TAB2: variants seen among roughly 807,000 people sequenced by gnomAD.
The protein encoded by TAB2 is TGF-beta-activated kinase 1 and MAP3K7-binding protein 2.
A neutral mutation model predicts 65.0 loss-of-function variants in TAB2; 3 were observed. That is an observed-to-expected ratio of 0.05 (90% CI 0.02 to 0.12). TAB2 has a LOEUF of 0.12. Ranked by LOEUF, TAB2 falls within the 10% of genes least tolerant of loss-of-function variation. The pLI is 1.00. For missense variants in TAB2, 623 were observed against 840.3 expected (o/e 0.74, Z 3.20); for synonymous variants, 298 against 285.1 (o/e 1.05, Z -0.46).
chr6:149,249,178 A>G (rs1777806360), intron 1 of TAB2, among the ~76,000 whole-genome samples: 1 of 151,730 alleles, frequency 6.6e-6, no homozygotes. Context: ...ACGCACACAC[A>G]CACACACAGA....
chr6:149,368,563 T>C (rs532156250), intron 1 of TAB2, among the ~76,000 whole-genome samples: 34 of 152,184 alleles, frequency 2.2e-4, no homozygotes, highest in Admixed American at 7.9e-4. Flanking sequence ...CCACTTAAAT[T>C]ATTTTAAATG....
At chr6:149,326,474 TG>T (rs1022345674) in intron 1 of TAB2, among the ~76,000 whole-genome samples, 54 of 152,110 alleles carry the variant, frequency 3.6e-4, no homozygotes, top group African/African-American at 1.1e-3. Context: ...CATTAATCAT[TG>T]GATAAATGAC....
intron 1 of TAB2, chr6:149,342,593 A>G (rs1780164344): frequency 6.6e-6 from 1 of 152,150 alleles, no homozygotes; most frequent in Non-Finnish European, 1.5e-5. Flanking sequence ...TTTGGGGACT[A>G]CCTTACTGCT....
intron 1 of TAB2, among the ~76,000 whole-genome samples, chr6:149,298,526 G>A (rs1778917021): frequency 6.6e-6 from 1 of 152,146 alleles, no homozygotes; most frequent in African/African-American, 2.4e-5. Context: ...TACCCCGGAG[G>A]CTGAGGTGGG....
chr6:149,391,376 A>AGT (rs1038277565), intron 3 of TAB2, among the ~76,000 whole-genome samples: 1 of 151,884 alleles, frequency 6.6e-6, no homozygotes, highest in Non-Finnish European at 1.5e-5. Context: ...TTTAGAGGCT[A>AGT]GTGTCTCCCT....
At chr6:149,356,532 G>A (rs1209759730) in intron 1 of TAB2, among the ~76,000 whole-genome samples, 2 of 152,166 alleles carry the variant, frequency 1.3e-5, no homozygotes, top group Non-Finnish European at 2.9e-5. Flanking sequence ...CCACTCTGTG[G>A]TTCGTAGGTG....
At chr6:149,310,048 G>A (rs534657587) in intron 1 of TAB2, among the ~76,000 whole-genome samples, 1 of 152,082 alleles carries the variant, frequency 6.6e-6, no homozygotes, top group South Asian at 2.1e-4. Flanking sequence ...TTATAATCAT[G>A]GAGTGGGGCG....
intron 1 of TAB2, chr6:149,229,867 T>C (rs901388845): frequency 1.3e-5 from 2 of 152,258 alleles, no homozygotes; most frequent in Non-Finnish European, 2.9e-5. Context: ...TTGGTTTATT[T>C]GTTCTTTGAA....
intron 1 of TAB2, among the ~76,000 whole-genome samples, chr6:149,225,650 C>T (rs1384718293): frequency 6.6e-6 from 1 of 151,924 alleles, no homozygotes; most frequent in Non-Finnish European, 1.5e-5. Context: ...TTTTATTTGT[C>T]CCATAGCCAA....
At chr6:149,226,188 T>C (rs1229826199) in intron 1 of TAB2, among the ~76,000 whole-genome samples, 1 of 152,074 alleles carries the variant, frequency 6.6e-6, no homozygotes. Context: ...AGACTGTTGT[T>C]TGGTATAGCT....
chr6:149,317,546 G>C (rs1219011325), upstream of TAB2: 2 of 155,036 alleles, frequency 1.3e-5, no homozygotes, highest in East Asian at 1.9e-4. The surrounding 1 kb of genome is among the most constrained non-coding windows in gnomAD (Gnocchi z 4.7). Flanking sequence ...CATATTGTGT[G>C]ACAGTATTTT....
intron 1 of TAB2, among the ~76,000 whole-genome samples, chr6:149,328,332 C>CCT (rs1331154109): frequency 6.6e-6 from 1 of 152,086 alleles, no homozygotes; most frequent in African/African-American, 2.4e-5. Flanking sequence ...CTGCTCTGTC[C>CCT]CTCAGGCTGG....
At position 149,276,972 on chromosome 6, in the gene TAB2, A is replaced by G. The variant is rs150015004; in HGVS notation, c.-121+58196A>G. On this transcript the variant is annotated intron_variant, in intron 1 of 1. Transcript: ENST00000606202. ...TGGTTTCCCCCATACTGTTCTCTTC[A>G]TAGTGAATATGTCTCACAAGATCTG... is the stretch of plus-strand genomic sequence containing the variant. Among the ~76,000 whole-genome samples the G allele has an allele frequency of 1.8e-3, 277 of 152,282 alleles. 1 individual carries two copies. Among genetic ancestry groups the G allele is most frequent in the African/African-American group, 5.4e-3 (223 of 41,572 alleles).
At chr6:149,394,939 G>A (rs542346950) in intron 3 of TAB2, among the ~76,000 whole-genome samples, 1 of 152,348 alleles carries the variant, frequency 6.6e-6, no homozygotes, top group African/African-American at 2.4e-5. Flanking sequence ...AACAGCCATA[G>A]ACAACAAGTA....
chr6:149,358,901 C>G (rs1276295901), intron 1 of TAB2, among the ~76,000 whole-genome samples: 1 of 151,818 alleles, frequency 6.6e-6, no homozygotes, highest in African/African-American at 2.4e-5. Flanking sequence ...TCTGTAGTCT[C>G]AAGTACCTTC....
At chr6:149,362,190 G>A (rs1780873788) in intron 1 of TAB2, among the ~76,000 whole-genome samples, 1 of 152,150 alleles carries the variant, frequency 6.6e-6, no homozygotes, top group South Asian at 2.1e-4. Flanking sequence ...AGTTTTCTAT[G>A]TTAGACCATT....
At chr6:149,240,700 A>G (rs1263316548) in intron 1 of TAB2, among the ~76,000 whole-genome samples, 2 of 152,210 alleles carry the variant, frequency 1.3e-5, no homozygotes, top group Non-Finnish European at 2.9e-5. Flanking sequence ...CATATAATGA[A>G]CATGTTTTAA....
chr6:149,393,049 T>G (rs1782046043), intron 3 of TAB2, among the ~76,000 whole-genome samples: 1 of 152,200 alleles, frequency 6.6e-6, no homozygotes, highest in Non-Finnish European at 1.5e-5. Flanking sequence ...CAGATTCCTA[T>G]CTAAAAATCT....
At chr6:149,354,717 C>A (rs1410898395) in intron 1 of TAB2, among the ~76,000 whole-genome samples, 1 of 152,076 alleles carries the variant, frequency 6.6e-6, no homozygotes. Flanking sequence ...GAACACTGTT[C>A]TGCACTTAGT....
Sources: gnomAD v4.1 joint callset for allele counts (sites outside exome capture counted in the v4.1 genomes callset) on GRCh38, gnomAD v4.1.1 for gene constraint, Gnocchi (gnomAD v3.1) non-coding constraint, MANE v1.5 for transcripts, NCBI Gene and HGNC (gene_info 2026-07-23, HGNC 2026-07-21) for gene names.